Variants in OXR1 observed in about 807,000 individuals in gnomAD.
OXR1 encodes oxidation resistance protein 1.
A neutral mutation model predicts 104.6 loss-of-function variants in OXR1; 41 were observed. The ratio of observed to expected loss-of-function variants is 0.39; its 90% CI spans 0.31 to 0.51. The LOEUF is 0.51. OXR1 is among the 20% of genes least tolerant of loss of function. The pLI is 0.77. For synonymous variants in OXR1, 348 were observed against 348.4 expected (o/e 1.00, Z 0.01); for missense variants, 955 against 1,031.9 (o/e 0.93, Z 1.02).
intron 1 of OXR1, among the ~76,000 whole-genome samples, chr8:106,342,066 T>C (rs1586545942): frequency 6.6e-6 from 1 of 151,040 alleles, no homozygotes; most frequent in African/African-American, 2.4e-5. Flanking sequence ...TTCTTTTTTT[T>C]TTGTTGTAGA....
chr8:106,623,665 A>G (rs17342850), intron 3 of OXR1, among the ~76,000 whole-genome samples: 6,853 of 152,268 alleles, frequency 0.045, 188 homozygotes, highest in South Asian at 0.077. Flanking sequence ...CTGAAGAAAC[A>G]GTTTCTGAAA....
chr8:106,473,640 T>C (rs970280637), intron 2 of OXR1, among the ~76,000 whole-genome samples: 1 of 151,880 alleles, frequency 6.6e-6, no homozygotes, highest in Non-Finnish European at 1.5e-5. Context: ...ATCTATAGGA[T>C]GAAAAAACCC....
chr8:106,410,900 C>A (rs1818432069), intron 2 of OXR1, among the ~76,000 whole-genome samples: 1 of 152,128 alleles, frequency 6.6e-6, no homozygotes, highest in Non-Finnish European at 1.5e-5. Flanking sequence ...AGAAATGACT[C>A]ATTTGTTCAG....
intron 2 of OXR1, among the ~76,000 whole-genome samples, chr8:106,436,967 AG>A (rs1357247340): frequency 6.6e-6 from 1 of 152,168 alleles, no homozygotes; most frequent in African/African-American, 2.4e-5. Flanking sequence ...CCAAAAAGAA[AG>A]GGGGGTGACT....
chr8:106,455,691 CA>C (rs1342192580), intron 2 of OXR1, among the ~76,000 whole-genome samples: 1 of 152,122 alleles, frequency 6.6e-6, no homozygotes, highest in Non-Finnish European at 1.5e-5. Flanking sequence ...GCATACTGGG[CA>C]GAAATGCAGT....
chr8:106,350,427 G>T (rs1344097124), intron 1 of OXR1, among the ~76,000 whole-genome samples: 1 of 152,132 alleles, frequency 6.6e-6, no homozygotes, highest in African/African-American at 2.4e-5. Context: ...TGAACATAAG[G>T]ATATTTCTGA....
At chr8:106,578,404 C>A (rs1818004117) in intron 3 of OXR1, among the ~76,000 whole-genome samples, 2 of 152,100 alleles carry the variant, frequency 1.3e-5, no homozygotes, top group Admixed American at 1.3e-4. Context: ...TGGGATTTGA[C>A]AAGATAATTT....
At chr8:106,294,453 G>A (rs186474712) in intron 1 of OXR1, among the ~76,000 whole-genome samples, 166 of 148,688 alleles carry the variant, frequency 1.1e-3, no homozygotes, top group African/African-American at 4.0e-3. Context: ...AATTTATAAC[G>A]AAGAGGTTAG....
At chr8:106,694,698 T>C (rs1349523755) in intron 7 of OXR1, among the ~76,000 whole-genome samples, 2 of 109,806 alleles carry the variant, frequency 1.8e-5, no homozygotes, top group Non-Finnish European at 3.4e-5. Flanking sequence ...AATATATGTT[T>C]ATATATTTAA....
intron 2 of OXR1, among the ~76,000 whole-genome samples, chr8:106,472,574 G>A (rs1189645019): frequency 4.0e-5 from 6 of 151,784 alleles, no homozygotes; most frequent in Non-Finnish European, 7.4e-5. Flanking sequence ...TAAATGAAAA[G>A]CATTTTAACA....
chr8:106,696,283 A>G (rs963664880), intron 7 of OXR1, among the ~76,000 whole-genome samples: 1 of 152,184 alleles, frequency 6.6e-6, no homozygotes, highest in South Asian at 2.1e-4. Flanking sequence ...AGATTCCTCC[A>G]TGTCTTTTGC....
rs537535069 is a variant in OXR1, at chr8:106,432,163, G to A, written c.23+72527G>A. Among the ~76,000 whole-genome samples, 36 of 152,236 alleles carry A rather than the reference G, an allele frequency of 2.4e-4. No individual in the cohort carries two copies. The South Asian group carries it at 2.9e-3, about 12-fold the overall frequency. On this transcript the variant is annotated intron_variant, in intron 2 of 16. Coordinates refer to ENST00000517566, the MANE Select transcript of OXR1 (RefSeq NM_001198533.2). ...CTAGTGCATCCCCGATCTTTTCTCA[G>A]AATTACTACATCTTCCTAACCGTTC...
chr8:106,510,574 C>T (rs1038207184), intron 2 of OXR1, among the ~76,000 whole-genome samples: 1 of 152,136 alleles, frequency 6.6e-6, no homozygotes, highest in African/African-American at 2.4e-5. Flanking sequence ...TTCTAGTATT[C>T]ATAGCATAAA....
chr8:106,688,087 C>A (rs150020307), intron 6 of OXR1, among the ~76,000 whole-genome samples: 1 of 152,166 alleles, frequency 6.6e-6, no homozygotes, highest in East Asian at 1.9e-4. Context: ...AATATAGAAA[C>A]CTGCTTTTGT....
chr8:106,708,817 C>G (rs1293258383), intron 9 of OXR1, among the ~76,000 whole-genome samples: 1 of 151,998 alleles, frequency 6.6e-6, no homozygotes, highest in Non-Finnish European at 1.5e-5. Context: ...CATGTGGTAA[C>G]TCTATGTTTA....
At chr8:106,604,336 G>A (rs954747291) in intron 3 of OXR1, among the ~76,000 whole-genome samples, 1 of 152,074 alleles carries the variant, frequency 6.6e-6, no homozygotes, top group East Asian at 1.9e-4. Context: ...GGCTTTCACA[G>A]GGAAAGACAG....
intron 3 of OXR1, among the ~76,000 whole-genome samples, chr8:106,614,147 T>C (rs1293014684): frequency 6.6e-6 from 1 of 152,228 alleles, no homozygotes; most frequent in Non-Finnish European, 1.5e-5. Context: ...AACTACATGA[T>C]TTCAAAATTA....
intron 3 of OXR1, among the ~76,000 whole-genome samples, chr8:106,583,632 G>A (rs1240686997): frequency 6.6e-6 from 1 of 152,166 alleles, no homozygotes; most frequent in Non-Finnish European, 1.5e-5. Context: ...TTCGTAGTTT[G>A]AAGGCAATTT....
At chr8:106,608,272 A>G (rs1410319360) in intron 3 of OXR1, among the ~76,000 whole-genome samples, 1 of 152,212 alleles carries the variant, frequency 6.6e-6, no homozygotes, top group Non-Finnish European at 1.5e-5. Flanking sequence ...CCTGGGTTAC[A>G]GAGCGAGACC....
Sources: gnomAD v4.1 joint callset for allele counts (sites outside exome capture counted in the v4.1 genomes callset) on GRCh38, gnomAD v4.1.1 for gene constraint, MANE v1.5 for transcripts, NCBI Gene and HGNC (gene_info 2026-07-23, HGNC 2026-07-21) for gene names.